PTPRH: variants seen among roughly 807,000 people sequenced by gnomAD.
PTPRH encodes protein tyrosine phosphatase receptor type H.
Under a neutral mutation model 130.2 loss-of-function variants are expected in PTPRH, and 113 were observed. The observed-to-expected ratio is 0.87, with a 90% confidence interval of 0.75 to 1.01. The LOEUF (loss-of-function observed/expected upper bound fraction) is 1.01. PTPRH is among the 50% of genes least tolerant of loss of function. The pLI, the probability that PTPRH is intolerant of heterozygous loss-of-function variation, is 0.00. For synonymous variants in PTPRH, 556 were observed against 577.9 expected, an observed-to-expected ratio of 0.96 and a Z score of 0.54; for missense variants, 1,430 against 1,425.0, an observed-to-expected ratio of 1.00 and a Z score of -0.06.
rs781143505 is a variant in PTPRH at position 55,185,644 on chromosome 19, G to T, written c.2920C>A (p.Leu974Met). The T allele has an allele frequency of 6.8e-6, 11 of 1,614,046 alleles. No homozygotes were observed. The highest frequency in any genetic ancestry group is 2.7e-5 in the African/African-American group (2 of 74,946). ...LLLQVEEQKTLSVRQFHYQAW... is the reference protein window; with the variant it reads ...LLLQVEEQKTMSVRQFHYQAW... Reference sequence around the variant, plus strand: ...TGGTAGTGGAATTGGCGCACAGACAGTGTCTTCTGCTCCTCCACCTGGAAG... The same window carrying T: ...TGGTAGTGGAATTGGCGCACAGACATTGTCTTCTGCTCCTCCACCTGGAAG... The change falls in exon 18 of 20, where the codon CTG becomes ATG. Residue 974 changes from leucine (L) to methionine (M), a missense_variant. Transcript: ENST00000376350.
intron 13 of PTPRH, 66 bp downstream of exon 13, chr19:55,188,012 G>A (rs1289405796): frequency 4.0e-6 from 4 of 1,010,930 alleles, no homozygotes; most frequent in Non-Finnish European, 5.8e-6. Flanking sequence ...TCTGGCCAGG[G>A]GGTGGGGGGT....
At chr19:55,182,393 G>A (rs1055198255) in intron 18 of PTPRH, among the ~76,000 whole-genome samples, 3 of 152,100 alleles carry the variant, frequency 2.0e-5, no homozygotes, top group African/African-American at 4.8e-5. Flanking sequence ...GTATGGTGGC[G>A]CATGCCTGTA....
intron 17 of PTPRH, 49 bp downstream of exon 17, chr19:55,185,811 CAT>C: frequency 6.2e-7 from 1 of 1,613,136 alleles, no homozygotes; most frequent in East Asian, 2.2e-5. Flanking sequence ...GGATGCATGG[CAT>C]ATGTCACAGG....
chr19:55,182,301 G>A, intron 18 of PTPRH, 150 bp from the exon 19 acceptor site: 2 of 971,702 alleles, frequency 2.1e-6, no homozygotes, highest in Non-Finnish European at 1.5e-6. Flanking sequence ...TGAGGCCGGT[G>A]GATCACCCAA....
intron 7 of PTPRH, 64 bp downstream of exon 7, chr19:55,200,172 C>T: frequency 2.5e-6 from 4 of 1,573,590 alleles, no homozygotes; most frequent in Non-Finnish European, 2.6e-6. Flanking sequence ...GAAGAGGTGC[C>T]ACGCCGCTCC....
chr19:55,181,958 GC>G lies in PTPRH; in HGVS notation c.3199-56del, dbSNP rs989706879. ...TCCCCCCAGGTCTGAGCTGCGTGGA[GC>G]CCCAGGGTCCCTCGTCCCACTGCCT... On this transcript the variant is annotated intron_variant, in intron 19 of 19. Coordinates refer to ENST00000376350, the MANE Select transcript of PTPRH (RefSeq NM_002842.5). 10 of 1,613,626 alleles carry G rather than the reference GC, an allele frequency of 6.2e-6. No individual in the cohort carries two copies. The African/African-American group carries it at 1.2e-4, about 19-fold the overall frequency.
chr19:55,187,457 G>T, intron 14 of PTPRH, 56 bp downstream of exon 14: 1 of 1,442,100 alleles, frequency 6.9e-7, no homozygotes, highest in Middle Eastern at 1.7e-4. Flanking sequence ...GGGGACTGGG[G>T]TGGGGTGCCG....
rs149252651 is a variant in PTPRH at position 55,188,087 on chromosome 19, G to A, written c.2466C>T (p.Asp822=). ...TCTGTCCTCTCCCCACCTGGTACTC[G>A]TCTGCAAAACCACAGTTGCTGTCCC... ...NERDSNCGFA[D]EYQQLSLVGH... is the part of the protein sequence containing the mutation. Residue 822 remains aspartate (D), a synonymous_variant, in exon 13 of 20, where the codon GAC becomes GAT. Coordinates refer to ENST00000376350, the MANE Select transcript of PTPRH (RefSeq NM_002842.5). The A allele has an allele frequency of 1.8e-5, 29 of 1,613,704 alleles. No homozygotes were observed. The highest frequency in any genetic ancestry group is 1.3e-4 in the East Asian group (6 of 44,886).
chr19:55,188,041 A>G, intron 13 of PTPRH, 37 bp downstream of exon 13: 1 of 1,554,432 alleles, frequency 6.4e-7, no homozygotes, highest in Non-Finnish European at 8.9e-7. Context: ...GGGCCACCGG[A>G]GGGAGACTGA....
In PTPRH at chr19:55,187,588, C is replaced by T; in HGVS notation, c.2491G>A (p.Gly831Ser). ...ADEYQQLSLV[G>S]HSQSQMVASA... ...GCCACCATCTGAGACTGGCTGTGGCCCACCAGGGAGAGTTGCTGGGGATGC... is the reference window on the plus strand; with the variant it reads ...GCCACCATCTGAGACTGGCTGTGGCTCACCAGGGAGAGTTGCTGGGGATGC... The change falls in exon 14 of 20, where the codon GGC (glycine) becomes AGC (serine). Residue 831 changes from glycine (G) to serine (S), a missense_variant. Coordinates refer to ENST00000376350, the MANE Select transcript of PTPRH (RefSeq NM_002842.5). 6.2e-7 allele frequency: 1 copy of T among 1,612,656 alleles called. No homozygotes were observed. Among genetic ancestry groups the T allele is most frequent in the East Asian group, 2.2e-5 (1 of 44,778 alleles).
intron 18 of PTPRH, among the ~76,000 whole-genome samples, chr19:55,184,370 C>T (rs988173733): frequency 6.6e-6 from 1 of 152,120 alleles, no homozygotes; most frequent in Non-Finnish European, 1.5e-5. Flanking sequence ...TCATGAGGAG[C>T]AGTAGAACTG....
intron 8 of PTPRH, among the ~76,000 whole-genome samples, chr19:55,197,787 C>T (rs981754660): frequency 9.9e-5 from 15 of 152,156 alleles, no homozygotes; most frequent in African/African-American, 2.9e-4. Context: ...TCATGGCCCT[C>T]GAGATCTGAT....
At position 55,198,880 on chromosome 19, in the gene PTPRH, C is replaced by T. The variant is rs181033014; in HGVS notation, c.1453G>A (p.Asp485Asn). 1.3e-5 allele frequency: 20 copies of T among 1,534,364 alleles called. No individual in the cohort carries two copies. The East Asian group carries it at 4.6e-4, about 35-fold the overall frequency. ...AAAGCAATGGTGCTGTTGGTCCAGTCCTGCTTGCTGAGGCTTGTCACTGCG... is the reference window on the plus strand; with the variant it reads ...AAAGCAATGGTGCTGTTGGTCCAGTTCTGCTTGCTGAGGCTTGTCACTGCG... ...PNAVTSLSKQ[D>N]WTNSTIALRW... Residue 485 changes from aspartate to asparagine, a missense_variant, in exon 8 of 20, where the codon GAC (aspartate) becomes AAC (asparagine). By Grantham distance (23) the Asp-to-Asn change is conservative. Transcript: ENST00000376350.
chr19:55,187,431 A>G, intron 14 of PTPRH, 82 bp downstream of exon 14: 1 of 1,087,186 alleles, frequency 9.2e-7, no homozygotes. Context: ...CTTGTTTCTC[A>G]AAGCGGGTAG....
At position 55,185,632 on chromosome 19, in the gene PTPRH, G is replaced by A; in HGVS notation, c.2932C>T (p.Gln978Ter). ...VEEQKTLSVRQFHYQAWPDHG... is the reference protein window; with the variant it reads ...VEEQKTLSVR ...TCCGGCCAGGCCTGGTAGTGGAATT[G>A]GCGCACAGACAGTGTCTTCTGCTCC... Residue 978 changes from glutamine to a stop codon, truncating the protein, a stop_gained, in exon 18 of 20, where the codon CAA (glutamine) becomes TAA (stop). Transcript: ENST00000376350. LOFTEE classifies it high-confidence loss of function. 6.2e-7 allele frequency: 1 copy of A among 1,614,204 alleles called. No individual in the cohort carries two copies. The highest frequency in any genetic ancestry group is 8.5e-7 in the Non-Finnish European group (1 of 1,180,016).
Position 55,188,080 on chromosome 19 carries a change from G to T in PTPRH, c.2473C>A (p.Gln825Lys). 1 of 1,613,350 alleles carries T rather than the reference G, an allele frequency of 6.2e-7. No individual in the cohort carries two copies. Among genetic ancestry groups the T allele is most frequent in the Non-Finnish European group, 8.5e-7 (1 of 1,179,312 alleles). The change falls in exon 13 of 20, where the codon CAG becomes AAG. Residue 825 changes from glutamine (Q) to lysine (K), a missense_variant and splice_region_variant. Gln to Lys is a moderately conservative substitution (Grantham distance 53, BLOSUM62 1). Coordinates refer to ENST00000376350, the MANE Select transcript of PTPRH (RefSeq NM_002842.5). ...DSNCGFADEYQQLSLVGHSQS... is the reference protein window; with the variant it reads ...DSNCGFADEYKQLSLVGHSQS... ...CAGCCCCTCTGTCCTCTCCCCACCTGGTACTCGTCTGCAAAACCACAGTTG... is the reference window on the plus strand; with the variant it reads ...CAGCCCCTCTGTCCTCTCCCCACCTTGTACTCGTCTGCAAAACCACAGTTG...
intron 12 of PTPRH, 36 bp downstream of exon 12, chr19:55,191,465 A>G: frequency 1.2e-6 from 2 of 1,611,838 alleles, no homozygotes; most frequent in Non-Finnish European, 1.7e-6. Flanking sequence ...ATTTGACCAG[A>G]TTCTTTCCAA....
chr19:55,190,846 A>G (rs555045012), intron 12 of PTPRH, among the ~76,000 whole-genome samples: 2 of 150,342 alleles, frequency 1.3e-5, no homozygotes, highest in African/African-American at 4.9e-5. Context: ...ATTTTTTATT[A>G]CTATTATTTT....
chr19:55,185,534 G>C lies in PTPRH; in HGVS notation c.3030C>G (p.Thr1010=). 6.2e-7 allele frequency: 1 copy of C among 1,614,132 alleles called. No homozygotes were observed. Among genetic ancestry groups the C allele is most frequent in the Admixed American group, 1.7e-5 (1 of 60,010 alleles). ...GCACAATGGGTGGGCCTCCCTCCATGGTCTGATCCAGCCACTGCCGAAGCA... is the reference window on the plus strand; with the variant it reads ...GCACAATGGGTGGGCCTCCCTCCATCGTCTGATCCAGCCACTGCCGAAGCA... ...WRMLRQWLDQ[T]MEGGPPIVHC... Residue 1010 remains threonine, a synonymous_variant, in exon 18 of 20, where the codon ACC becomes ACG. Coordinates refer to ENST00000376350, the MANE Select transcript of PTPRH (RefSeq NM_002842.5).
Sources: allele counts gnomAD v4.1 joint callset (sites outside exome capture counted in the v4.1 genomes callset), GRCh38; gene constraint gnomAD v4.1.1; transcripts MANE v1.5; gene names NCBI Gene and HGNC (gene_info 2026-07-23, HGNC 2026-07-21).